The following SSPN variants were observed in gnomAD, a reference collection of about 807,000 sequenced individuals.
SSPN encodes sarcospan, also known as K-ras oncogene-associated protein.
In SSPN, 15 loss-of-function variants were observed where a neutral mutation model predicts 19.1. That is an observed-to-expected ratio of 0.78 (90% CI 0.52 to 1.21). SSPN has a LOEUF of 1.21. Ranked by LOEUF, SSPN falls within the 50% of genes most tolerant of loss-of-function variation. SSPN has a pLI of 0.00. For missense variants in SSPN, 291 were observed against 314.0 expected (o/e 0.93, Z 0.55); for synonymous variants, 147 against 140.3 (o/e 1.05, Z -0.34).
At chr12:26,214,023 G>A (rs755241818) in intron 1 of SSPN, among the ~76,000 whole-genome samples, 1 of 152,146 alleles carries the variant, frequency 6.6e-6, no homozygotes, top group African/African-American at 2.4e-5. Context: ...TTGTGACTGA[G>A]TGCTTATATT....
At chr12:26,226,269 G>T (rs895271846) in intron 2 of SSPN, among the ~76,000 whole-genome samples, 2 of 151,980 alleles carry the variant, frequency 1.3e-5, no homozygotes, top group Non-Finnish European at 2.9e-5. Flanking sequence ...TCACACTACT[G>T]GGGGGGCGAA....
At chr12:26,126,986 G>A (rs1461520334) in intron 1 of SSPN, among the ~76,000 whole-genome samples, 1 of 152,136 alleles carries the variant, frequency 6.6e-6, no homozygotes, top group African/African-American at 2.4e-5. Context: ...GGGCACGTTG[G>A]AGCCCTAAAA....
chr12:26,207,324 CAT>C (rs1205200396), intron 1 of SSPN, among the ~76,000 whole-genome samples: 7 of 151,996 alleles, frequency 4.6e-5, no homozygotes, highest in Non-Finnish European at 1.0e-4. Flanking sequence ...TGCATAATAA[CAT>C]AGAAAAAAAT....
intron 1 of SSPN, among the ~76,000 whole-genome samples, chr12:26,185,520 T>C (rs1314713264): frequency 1.3e-5 from 2 of 152,128 alleles, no homozygotes; most frequent in African/African-American, 2.4e-5. Context: ...ATTATACCTC[T>C]ACCCCCCTGG....
intron 1 of SSPN, among the ~76,000 whole-genome samples, chr12:26,219,660 A>G (rs1466914817): frequency 6.8e-6 from 1 of 146,394 alleles, no homozygotes; most frequent in Non-Finnish European, 1.5e-5. Context: ...TCCAAAAATA[A>G]AGTGATGATT....
intron 1 of SSPN, among the ~76,000 whole-genome samples, chr12:26,151,036 G>T (rs2137415374): frequency 6.6e-6 from 1 of 152,212 alleles, no homozygotes; most frequent in South Asian, 2.1e-4. Flanking sequence ...AAATTCTTCT[G>T]CATTGCTTTT....
intron 1 of SSPN, among the ~76,000 whole-genome samples, chr12:26,169,116 G>A (rs1413463735): frequency 5.3e-5 from 8 of 150,574 alleles, no homozygotes; most frequent in Admixed American, 3.3e-4. Context: ...TGCTTGAAAA[G>A]CATTCCTGTA....
intron 1 of SSPN, among the ~76,000 whole-genome samples, chr12:26,155,521 A>G (rs970895138): frequency 6.6e-6 from 1 of 152,216 alleles, no homozygotes; most frequent in Non-Finnish European, 1.5e-5. Flanking sequence ...ATTAACATTT[A>G]AAAAAGAGTC....
At chr12:26,189,891 A>G (rs1461866204) in intron 1 of SSPN, among the ~76,000 whole-genome samples, 1 of 152,184 alleles carries the variant, frequency 6.6e-6, no homozygotes, top group African/African-American at 2.4e-5. Flanking sequence ...TGGAACTTTT[A>G]TATGGAGATG....
At chr12:26,124,919 A>C in intron 1 of SSPN, 1 of 881,064 alleles carries the variant, frequency 1.1e-6, no homozygotes, top group Non-Finnish European at 1.9e-6. Context: ...TGCAGTGTTG[A>C]AAGTGTGAAG....
intron 1 of SSPN, among the ~76,000 whole-genome samples, chr12:26,215,556 A>C (rs1945038871): frequency 6.6e-6 from 1 of 152,214 alleles, no homozygotes. Flanking sequence ...TTATCTTGAA[A>C]TCAGCCATGG....
At chr12:26,151,381 T>TA (rs776822855) in intron 1 of SSPN, among the ~76,000 whole-genome samples, 382 of 149,400 alleles carry the variant, frequency 2.6e-3, no homozygotes, top group African/African-American at 3.6e-3. Flanking sequence ...TTCTCAACCA[T>TA]AAAAAAAAAA....
chr12:26,222,507 AG>A (rs1479717507), intron 1 of SSPN, among the ~76,000 whole-genome samples: 3 of 152,234 alleles, frequency 2.0e-5, no homozygotes, highest in Non-Finnish European at 2.9e-5. Flanking sequence ...GCCCTGGGGT[AG>A]GAACTATGAA....
chr12:26,134,168 G>A (rs955154857), intron 1 of SSPN, among the ~76,000 whole-genome samples: 1 of 152,130 alleles, frequency 6.6e-6, no homozygotes, highest in African/African-American at 2.4e-5. Flanking sequence ...CAGCATACCA[G>A]CTTTCTTTCA....
chr12:26,124,224 C>G, intron 1 of SSPN: 6 of 1,278,512 alleles, frequency 4.7e-6, no homozygotes, highest in Non-Finnish European at 6.8e-6. Flanking sequence ...GTAAGCGAAA[C>G]ATTCACTTAT....
At chr12:26,223,864 G>A (rs548203286) in intron 1 of SSPN, among the ~76,000 whole-genome samples, 62 of 152,270 alleles carry the variant, frequency 4.1e-4, no homozygotes, top group Admixed American at 8.5e-4. Flanking sequence ...AATCCGTGTC[G>A]TAATGGAAGC....
chr12:26,169,031 G>GATA (rs71992959), intron 1 of SSPN, among the ~76,000 whole-genome samples: 1 of 145,462 alleles, frequency 6.9e-6, no homozygotes. Context: ...GCCTCATTTT[G>GATA]AAAAAAAAAA....
chr12:26,218,011 T>C (rs1303951091), intron 1 of SSPN, among the ~76,000 whole-genome samples: 1 of 151,698 alleles, frequency 6.6e-6, no homozygotes, highest in East Asian at 1.9e-4. Context: ...TAAAGACACA[T>C]GCACACGTAT....
At chr12:26,200,320 A>T (rs1027033203) in intron 1 of SSPN, among the ~76,000 whole-genome samples, 1 of 152,246 alleles carries the variant, frequency 6.6e-6, no homozygotes, top group African/African-American at 2.4e-5. Context: ...ATTAAAAGTC[A>T]TGTCAAAAAT....
Sources: gnomAD v4.1 joint callset for allele counts (sites outside exome capture counted in the v4.1 genomes callset) on GRCh38, gnomAD v4.1.1 for gene constraint, MANE v1.5 for transcripts, NCBI Gene and HGNC (gene_info 2026-07-23, HGNC 2026-07-21) for gene names.